PRKCH: variants seen among roughly 807,000 people sequenced by gnomAD.
The protein encoded by PRKCH is protein kinase C eta, also known as protein kinase C eta type.
A neutral mutation model predicts 82.5 loss-of-function variants in PRKCH; 28 were observed. That is an observed-to-expected ratio of 0.34 (90% CI 0.25 to 0.47). The LOEUF (loss-of-function observed/expected upper bound fraction) is 0.47, where lower values mean the gene tolerates loss of function less well. Among genes scored for constraint, PRKCH ranks in the 20% least tolerant of loss-of-function variants. PRKCH has a pLI of 1.00. For synonymous variants in PRKCH, 322 were observed against 327.4 expected, an observed-to-expected ratio of 0.98 and a Z score of 0.18; for missense variants, 705 against 881.8, an observed-to-expected ratio of 0.80 and a Z score of 2.54.
intron 1 of PRKCH, among the ~76,000 whole-genome samples, chr14:61,204,464 T>C (rs1389491575): frequency 6.6e-6 from 1 of 151,598 alleles, no homozygotes; most frequent in Non-Finnish European, 1.5e-5. Flanking sequence ...GGATAGAAAA[T>C]GGTCAACAGG....
At chr14:61,336,613 A>G (rs1051780049) in intron 1 of PRKCH, among the ~76,000 whole-genome samples, 1 of 152,220 alleles carries the variant, frequency 6.6e-6, no homozygotes, top group African/African-American at 2.4e-5. Flanking sequence ...GAAAAGCTGA[A>G]GTGAGTACTT....
At position 61,547,778 on chromosome 14, in the gene PRKCH, C is replaced by T; in HGVS notation, c.1797C>T (p.Ser599=). 6.2e-7 allele frequency: 1 copy of T among 1,614,144 alleles called. No homozygotes were observed. The highest frequency in any genetic ancestry group is 8.5e-7 in the Non-Finnish European group (1 of 1,180,008). ...AGAACCCCACCATGCGCTTGGGCAG[C>T]CTGACTCAGGGAGGCGAGCACGCCA... ...MTKNPTMRLG[S]LTQGGEHAIL... Residue 599 remains serine (S), a synonymous_variant, in exon 13 of 14, where the codon AGC becomes AGT. Coordinates refer to ENST00000332981, the MANE Select transcript of PRKCH (RefSeq NM_006255.5).
At chr14:61,446,257 A>G (rs941556589) in intron 4 of PRKCH, among the ~76,000 whole-genome samples, 1 of 152,234 alleles carries the variant, frequency 6.6e-6, no homozygotes, top group African/African-American at 2.4e-5. Flanking sequence ...TTTAGTTTTC[A>G]CAATCTAAGA....
At chr14:61,217,487 C>A (rs1034575010) in intron 1 of PRKCH, among the ~76,000 whole-genome samples, 1 of 152,126 alleles carries the variant, frequency 6.6e-6, no homozygotes, top group Non-Finnish European at 1.5e-5. Flanking sequence ...CAGATTAGTG[C>A]TAGTTCTTCT....
intron 10 of PRKCH, among the ~76,000 whole-genome samples, chr14:61,502,255 G>T (rs1886951356): frequency 6.6e-6 from 1 of 151,750 alleles, no homozygotes; most frequent in Non-Finnish European, 1.5e-5. Flanking sequence ...GTAGAGACGG[G>T]TGTCACTATG....
chr14:61,367,716 CTTTTT>C (rs34427789), intron 1 of PRKCH, among the ~76,000 whole-genome samples: 1 of 137,374 alleles, frequency 7.3e-6, no homozygotes, highest in Admixed American at 7.3e-5. Flanking sequence ...TGGAGAACTC[CTTTTT>C]TTTTTTTTTT....
intron 2 of PRKCH, among the ~76,000 whole-genome samples, chr14:61,427,744 G>T (rs950937936): frequency 6.6e-6 from 1 of 151,836 alleles, no homozygotes; most frequent in Admixed American, 6.6e-5. Flanking sequence ...GCACCACCAT[G>T]CCCAGCTAAT....
chr14:61,507,989 G>T lies in PRKCH; in HGVS notation c.1434-21086G>T, dbSNP rs924693828. Among the ~76,000 whole-genome samples the T allele has an allele frequency of 2.0e-5, 3 of 151,946 alleles. No individual in the cohort carries two copies. In the East Asian group the frequency reaches 5.8e-4, roughly 29 times the overall value. On this transcript the variant is annotated intron_variant, in intron 10 of 13. Transcript: ENST00000332981. Reference sequence around the variant, plus strand: ...GGAAACCTTTGAAGATTATGTACAGGTTTATTGCACTGACAGTAGTGATGA... The same window carrying T: ...GGAAACCTTTGAAGATTATGTACAGTTTTATTGCACTGACAGTAGTGATGA...
Position 61,443,162 on chromosome 14 carries a change from G to A in PRKCH, c.479G>A (p.Arg160Lys). ...AAACATTTTACCAGGAAGCGCCAAA[G>A]GGCTATGCGAAGGCGAGTCCACCAG... ...IFKHFTRKRQ[R>K]AMRRRVHQIN... The change falls in exon 3 of 14, where the codon AGG (arginine) becomes AAG (lysine). Residue 160 changes from arginine (R) to lysine (K), a missense_variant. By Grantham distance (26) the Arg-to-Lys change is conservative (BLOSUM62 2). Coordinates refer to ENST00000332981, the MANE Select transcript of PRKCH (RefSeq NM_006255.5). 6.2e-7 allele frequency: 1 copy of A among 1,614,044 alleles called. No individual in the cohort carries two copies. The highest frequency in any genetic ancestry group is 8.5e-7 in the Non-Finnish European group (1 of 1,179,964).
At chr14:61,448,036 C>T (rs1170184946) in intron 4 of PRKCH, among the ~76,000 whole-genome samples, 2 of 152,134 alleles carry the variant, frequency 1.3e-5, no homozygotes, top group Non-Finnish European at 2.9e-5. Context: ...ATTGATAAGC[C>T]TTTACCAAGC....
intron 1 of PRKCH, among the ~76,000 whole-genome samples, chr14:61,228,997 T>G (rs7140565): frequency 0.95 from 144,346 of 152,196 alleles, 68,668 homozygotes; most frequent in East Asian, 0.99. Context: ...AAAGCAATTT[T>G]ACAGTATGTA....
At chr14:61,208,925 G>C (rs1225235669) in intron 1 of PRKCH, among the ~76,000 whole-genome samples, 1 of 152,120 alleles carries the variant, frequency 6.6e-6, no homozygotes, top group Non-Finnish European at 1.5e-5. Flanking sequence ...TACCTGCTAT[G>C]GTTTGAATGT....
At chr14:61,538,520 C>T (rs538564216) in intron 12 of PRKCH, among the ~76,000 whole-genome samples, 1 of 152,176 alleles carries the variant, frequency 6.6e-6, no homozygotes, top group African/African-American at 2.4e-5. Flanking sequence ...GAAGTCCTTA[C>T]ATTTTGATAG....
At chr14:61,523,158 T>G (rs2042925868) in intron 10 of PRKCH, among the ~76,000 whole-genome samples, 1 of 152,238 alleles carries the variant, frequency 6.6e-6, no homozygotes, top group Non-Finnish European at 1.5e-5. Flanking sequence ...CAGCAAATGA[T>G]CTGCACATTT....
At chr14:61,445,871 T>C in intron 4 of PRKCH, 145 bp downstream of exon 4, 5 of 827,416 alleles carry the variant, frequency 6.0e-6, no homozygotes, top group Non-Finnish European at 7.7e-6. Flanking sequence ...TAGATACAAC[T>C]CTTTAGTTTG....
intron 1 of PRKCH, among the ~76,000 whole-genome samples, chr14:61,258,095 C>T (rs539174986): frequency 6.6e-6 from 1 of 151,932 alleles, no homozygotes; most frequent in Non-Finnish European, 1.5e-5. Flanking sequence ...AATAAAAACT[C>T]GCAATAGTTA....
At chr14:61,541,225 G>C (rs2043180547) in intron 12 of PRKCH, among the ~76,000 whole-genome samples, 1 of 152,272 alleles carries the variant, frequency 6.6e-6, no homozygotes, top group South Asian at 2.1e-4. Context: ...TCATAACTGG[G>C]TCAGAATCTG....
Position 61,363,802 on chromosome 14 carries a change from G to A in PRKCH, c.364-27423G>A, listed in dbSNP as rs1195285920. On this transcript the variant is annotated intron_variant, in intron 1 of 13. Coordinates refer to ENST00000332981, the MANE Select transcript of PRKCH (RefSeq NM_006255.5). The stretch of plus-strand genomic sequence containing the variant: ...AGGGAACACCAGACAGAAGTGGAGG[G>A]ATGGAGGGAAGAGGAAATTTCTAGA... Among the ~76,000 whole-genome samples, 9 of 150,804 alleles carry A rather than the reference G, an allele frequency of 6.0e-5. No individual in the cohort carries two copies. The South Asian group carries it at 1.9e-3, about 31-fold the overall frequency.
Position 61,457,689 on chromosome 14 carries a change from AATC to A in PRKCH, c.1278+12_1278+14del. The A allele has an allele frequency of 1.9e-6, 3 of 1,613,332 alleles. No homozygotes were observed. Among genetic ancestry groups the A allele is most frequent in the Non-Finnish European group, 2.5e-6 (3 of 1,179,378 alleles). Reference sequence around the variant, plus strand: ...CTGCTTTCAGACCCCCGTAAGTATGAATCACATTCACTGCACCAACAGCCTCTT... The same window carrying A: ...CTGCTTTCAGACCCCCGTAAGTATGAACATTCACTGCACCAACAGCCTCTT... On this transcript the variant is annotated intron_variant, in intron 9 of 13. Coordinates refer to ENST00000332981, the MANE Select transcript of PRKCH (RefSeq NM_006255.5).
Sources: allele counts gnomAD v4.1 joint callset (sites outside exome capture counted in the v4.1 genomes callset), GRCh38; gene constraint gnomAD v4.1.1; transcripts MANE v1.5; gene names NCBI Gene and HGNC (gene_info 2026-07-23, HGNC 2026-07-21).